Variants in NF1 observed in about 807,000 individuals in gnomAD.
The protein encoded by NF1 is neurofibromin 1, also known as neurofibromin.
A neutral mutation model predicts 325.7 loss-of-function variants in NF1; 122 were observed. The ratio of observed to expected loss-of-function variants is 0.37; its 90% CI spans 0.32 to 0.44. The LOEUF (loss-of-function observed/expected upper bound fraction) is 0.44. Ranked by LOEUF, NF1 falls within the 20% of genes least tolerant of loss-of-function variation. The pLI, the probability that NF1 is intolerant of heterozygous loss-of-function variation, is 1.00. For synonymous variants in NF1, 1,091 were observed against 1,186.0 expected, an observed-to-expected ratio of 0.92 and a Z score of 1.65; for missense variants, 2,140 against 3,415.4, an observed-to-expected ratio of 0.63 and a Z score of 9.31.
At chr17:31,372,178 A>G (rs2070654743) in intron 57 of NF1, among the ~76,000 whole-genome samples, 1 of 152,220 alleles carries the variant, frequency 6.6e-6, no homozygotes, top group South Asian at 2.1e-4. Flanking sequence ...CTTGCCATAC[A>G]GAGGTAAAAT....
chr17:31,228,949 T>G (rs1338471456), intron 20 of NF1, 76 bp from the exon 21 acceptor site: 1 of 1,164,466 alleles, frequency 8.6e-7, no homozygotes, highest in Non-Finnish European at 1.2e-6. Flanking sequence ...GGAAGAAATG[T>G]TGGATAAAGC....
chr17:31,294,148 AT>A (rs2068410255), intron 36 of NF1, among the ~76,000 whole-genome samples: 2 of 152,060 alleles, frequency 1.3e-5, no homozygotes. Context: ...CTGATTTCTG[AT>A]TTGTAAAAGA....
At chr17:31,277,192 C>T (rs543385225) in intron 36 of NF1, among the ~76,000 whole-genome samples, 9 of 152,042 alleles carry the variant, frequency 5.9e-5, no homozygotes, top group African/African-American at 9.7e-5. Context: ...TTACTGTCCC[C>T]GGGCTGGCAG....
rs1024418296 is a variant in NF1 at position 31,181,315 on chromosome 17, A to G, written c.587-107A>G. 1.1e-5 allele frequency: 11 copies of G among 1,034,856 alleles called. No homozygotes were observed. In the Admixed American group the frequency reaches 2.3e-4, roughly 22 times the overall value. 64.1% of individuals were successfully genotyped at this position (1,034,856 alleles called of 1,614,324 possible). On this transcript the variant is annotated intron_variant, in intron 5 of 57. Transcript: ENST00000358273. ...TGTCTTTACCTTTCATTGCTTACAG[A>G]TAATATTGGAGCAAAAGTAATACGT...
chr17:31,176,882 C>T (rs1284413086), intron 5 of NF1, among the ~76,000 whole-genome samples: 1 of 152,072 alleles, frequency 6.6e-6, no homozygotes, highest in African/African-American at 2.4e-5. Context: ...TGTTTTGGTA[C>T]CAGTACCATG....
At chr17:31,193,378 C>A (rs766307599) in intron 8 of NF1, among the ~76,000 whole-genome samples, 7 of 152,116 alleles carry the variant, frequency 4.6e-5, no homozygotes, top group Non-Finnish European at 8.8e-5. Flanking sequence ...TATTATGTTG[C>A]CCAGGCTGGT....
At chr17:31,115,175 T>G (rs1374247235) in intron 1 of NF1, among the ~76,000 whole-genome samples, 1 of 152,152 alleles carries the variant, frequency 6.6e-6, no homozygotes, top group African/African-American at 2.4e-5. Flanking sequence ...TTAATTGTTA[T>G]GACTTTCGTG....
chr17:31,314,333 T>A (rs2068966738), intron 36 of NF1: 1 of 217,664 alleles, frequency 4.6e-6, no homozygotes, highest in Non-Finnish European at 8.9e-6. Flanking sequence ...AAATTACATG[T>A]TCTAAGAAGA....
chr17:31,102,587 T>G (rs2037824671), intron 1 of NF1, among the ~76,000 whole-genome samples: 1 of 151,790 alleles, frequency 6.6e-6, no homozygotes, highest in Non-Finnish European at 1.5e-5. Context: ...TAAAAAAAAT[T>G]AGTTGGGTGT....
chr17:31,206,475 G>A (rs1233339923), intron 12 of NF1, 104 bp downstream of exon 12: 3 of 1,321,638 alleles, frequency 2.3e-6, no homozygotes, highest in Non-Finnish European at 3.3e-6. Context: ...GAATTGAATG[G>A]GTCCTTCATT....
At chr17:31,170,103 A>G in intron 5 of NF1, 106 bp downstream of exon 5, 1 of 726,022 alleles carries the variant, frequency 1.4e-6, no homozygotes, top group Non-Finnish European at 2.4e-6. Flanking sequence ...ACCAAACTGG[A>G]TTTTATAATG....
chr17:31,367,657 G>A (rs943731531), intron 57 of NF1, among the ~76,000 whole-genome samples: 1 of 152,166 alleles, frequency 6.6e-6, no homozygotes, highest in Non-Finnish European at 1.5e-5. Flanking sequence ...GCCAACCCCA[G>A]TGTTTCCTCA....
At chr17:31,308,260 C>T (rs899027865) in intron 36 of NF1, among the ~76,000 whole-genome samples, 1 of 151,960 alleles carries the variant, frequency 6.6e-6, no homozygotes, top group African/African-American at 2.4e-5. Context: ...GCCTCATCCT[C>T]CCGAGTAGCT....
At position 31,338,686 on chromosome 17, in the gene NF1, AT is replaced by A. The variant is rs759831245; in HGVS notation, c.6820-16del. 2.6e-6 allele frequency: 4 copies of A among 1,543,900 alleles called. No homozygotes were observed. The highest frequency in any genetic ancestry group is 1.1e-5 in the South Asian group (1 of 89,514). On this transcript the variant is annotated splice_polypyrimidine_tract_variant and intron_variant, in intron 45 of 57. Transcript: ENST00000358273. ...TATTTCAATGAAAGTAAAATAAAAA[AT>A]TCTGTTTTCCTAAAAGGCACTTGAG...
intron 36 of NF1, among the ~76,000 whole-genome samples, chr17:31,313,635 G>A (rs2068941108): frequency 6.6e-6 from 1 of 151,794 alleles, no homozygotes; most frequent in African/African-American, 2.4e-5. Context: ...GAACCCAGGA[G>A]GTGGAGGTTG....
At chr17:31,215,620 A>G (rs374727459) in intron 13 of NF1, among the ~76,000 whole-genome samples, 8 of 152,230 alleles carry the variant, frequency 5.3e-5, no homozygotes, top group Admixed American at 4.6e-4. Context: ...TATTATTGCT[A>G]TTAATAAGAT....
At chr17:31,300,163 T>G (rs2068545139) in intron 36 of NF1, among the ~76,000 whole-genome samples, 1 of 152,082 alleles carries the variant, frequency 6.6e-6, no homozygotes, top group Non-Finnish European at 1.5e-5. Flanking sequence ...CAACTTGATA[T>G]AAACTTTGTT....
intron 57 of NF1, among the ~76,000 whole-genome samples, chr17:31,366,629 T>C (rs1227724462): frequency 6.6e-6 from 1 of 152,160 alleles, no homozygotes; most frequent in Non-Finnish European, 1.5e-5. Context: ...TGGCACATGC[T>C]TGTGGTCCCA....
intron 4 of NF1, among the ~76,000 whole-genome samples, chr17:31,169,183 C>T (rs752101382): frequency 9.2e-5 from 14 of 152,092 alleles, no homozygotes; most frequent in Non-Finnish European, 1.8e-4. Flanking sequence ...AAGTGCATAC[C>T]TGTGTGATAT....
Sources: gnomAD v4.1 joint callset for allele counts (sites outside exome capture counted in the v4.1 genomes callset) on GRCh38, gnomAD v4.1.1 for gene constraint, MANE v1.5 for transcripts, NCBI Gene and HGNC (gene_info 2026-07-23, HGNC 2026-07-21) for gene names.